The following BAHCC1 variants were observed in gnomAD, a reference collection of about 807,000 sequenced individuals.
BAHCC1 encodes BAH domain and coiled-coil containing 1.
Under a neutral mutation model 88.2 loss-of-function variants are expected in BAHCC1, and 43 were observed. The ratio of observed to expected loss-of-function variants is 0.49; its 90% confidence interval spans 0.38 to 0.63. The LOEUF (loss-of-function observed/expected upper bound fraction) is 0.63. Among genes scored for constraint, BAHCC1 ranks in the 20% least tolerant of loss-of-function variants. The pLI, the probability that BAHCC1 is intolerant of heterozygous loss-of-function variation, is 0.00. For missense variants in BAHCC1, 3,023 were observed against 1,654.8 expected, an observed-to-expected ratio of 1.83 and a Z score of -14.34; for synonymous variants, 1,510 against 745.5, an observed-to-expected ratio of 2.03 and a Z score of -16.71.
chr17:81,436,119 C>T (rs1343494817), intron 3 of BAHCC1, among the ~76,000 whole-genome samples: 1 of 152,058 alleles, frequency 6.6e-6, no homozygotes, highest in Non-Finnish European at 1.5e-5. Context: ...ATCCCATCTC[C>T]CCACTCCCTC....
At chr17:81,448,043 G>A (rs1341793319) in intron 11 of BAHCC1, among the ~76,000 whole-genome samples, 195 bp downstream of exon 11, 3 of 152,192 alleles carry the variant, frequency 2.0e-5, no homozygotes, top group East Asian at 1.9e-4. Flanking sequence ...TGCCATCTCC[G>A]AATCTCTCCG....
intron 3 of BAHCC1, among the ~76,000 whole-genome samples, chr17:81,437,209 C>G (rs2064348605): frequency 6.6e-6 from 1 of 152,248 alleles, no homozygotes; most frequent in African/African-American, 2.4e-5. Flanking sequence ...TGTGGGTTGC[C>G]TCAAACGTCT....
intron 13 of BAHCC1, 79 bp downstream of exon 13, chr17:81,452,186 A>C: frequency 1.8e-6 from 1 of 545,722 alleles, no homozygotes; most frequent in Non-Finnish European, 3.2e-6. Flanking sequence ...GCTGGGGCCG[A>C]TGTGGGAACA....
chr17:81,418,832 T>TGTGTGTGTGC (rs1555649173), intron 2 of BAHCC1, among the ~76,000 whole-genome samples: 1 of 150,902 alleles, frequency 6.6e-6, no homozygotes, highest in Non-Finnish European at 1.5e-5. Flanking sequence ...TGTGTGTGTG[T>TGTGTGTGTGC]AGCCACTCAT....
In BAHCC1 at chr17:81,434,925, G is replaced by C. The variant is rs1299498783; in HGVS notation, c.359-3445G>C. 6.6e-6 allele frequency among the ~76,000 whole-genome samples: 1 copy of C among 152,048 alleles called. No homozygotes were observed. The highest frequency in any genetic ancestry group is 1.5e-5 in the Non-Finnish European group (1 of 67,976). On this transcript the variant is annotated intron_variant, in intron 3 of 27. Coordinates refer to ENST00000675386, the MANE Select transcript of BAHCC1 (RefSeq NM_001377448.1). This position sits in a 1 kb window ranked among gnomAD's most constrained non-coding sequence, Gnocchi z 4.9. ...GGTGCCCGTCAGGCAGCCAGGGCTG[G>C]TGCACCCTGGGTGGGGGCTCCTCCT...
rs782091307 is a variant in BAHCC1, at chr17:81,461,684, G to A, written c.7021G>A (p.Asp2341Asn). 6 of 722,268 alleles carry A rather than the reference G, an allele frequency of 8.3e-6. No homozygotes were observed. Among genetic ancestry groups the A allele is most frequent in the Middle Eastern group, 2.3e-4 (1 of 4,410 alleles). The allele number at this position is 722,268 out of a possible 1,614,324, so 44.7% of individuals were successfully genotyped here. A position where few individuals can be genotyped will look rare whatever the true frequency, so the allele number is the denominator to read the frequency against. Residue 2341 changes from aspartate to asparagine, a missense_variant, in exon 26 of 28, where the codon GAC (aspartate) becomes AAC (asparagine). By Grantham distance (23) the Asp-to-Asn change is conservative. Coordinates refer to ENST00000675386, the MANE Select transcript of BAHCC1 (RefSeq NM_001377448.1). Reference sequence around the variant, plus strand: ...GTCCACCTCCAGCCTCTGCTCCTCCGACAACGAGGACTCGTCCTACAGCTC... The same window carrying A: ...GTCCACCTCCAGCCTCTGCTCCTCCAACAACGAGGACTCGTCCTACAGCTC... ...SVSTSSLCSSDNEDSSYSSDD... is the reference protein window; with the variant it reads ...SVSTSSLCSSNNEDSSYSSDD...
intron 14 of BAHCC1, among the ~76,000 whole-genome samples, chr17:81,453,996 G>A (rs1161090371): frequency 6.6e-6 from 1 of 152,222 alleles, no homozygotes; most frequent in South Asian, 2.1e-4. Flanking sequence ...AGGGACATCC[G>A]GCCACGCCAG....
chr17:81,457,993 A>G (rs1296005060), intron 17 of BAHCC1, among the ~76,000 whole-genome samples, 172 bp from the exon 18 acceptor site: 1 of 25,992 alleles, frequency 3.8e-5, no homozygotes, highest in African/African-American at 1.6e-4. Context: ...GGTAACCAGG[A>G]GGGAGGGCAG....
rs4969436 is a variant in BAHCC1 at position 81,411,019 on chromosome 17, A to G, written c.178+11102A>G. The G allele has an allele frequency of 0.26, 135,787 of 512,850 alleles. 19,844 individuals are homozygous for G. The highest frequency in any genetic ancestry group is 0.5 in the East Asian group (9,059 of 18,152). The allele number at this position is 512,850 out of a possible 1,614,324, so 31.8% of individuals were successfully genotyped here. A position where few individuals can be genotyped will look rare whatever the true frequency, so the allele number is the denominator to read the frequency against. ...CCGCACCTGGGTCTTTGTTGTCCAT[A>G]TGTCTGTGTGAAGGCCTGGGGCCCC... is the stretch of plus-strand genomic sequence containing the variant. On this transcript the variant is annotated intron_variant, in intron 2 of 27. Coordinates refer to ENST00000675386, the MANE Select transcript of BAHCC1 (RefSeq NM_001377448.1). This position sits in a 1 kb window ranked among gnomAD's most constrained non-coding sequence, Gnocchi z 6.2.
intron 10 of BAHCC1, among the ~76,000 whole-genome samples, chr17:81,446,000 T>G (rs939142928): frequency 2.0e-5 from 3 of 151,508 alleles, no homozygotes; most frequent in Non-Finnish European, 4.4e-5. Flanking sequence ...ACTGGCACCC[T>G]GGGGGCACTG....
rs943421636 is a variant in BAHCC1 at position 81,398,559 on chromosome 17, C to T, written c.-206-975C>T. Reference sequence around the variant, plus strand: ...CGGCAGGCGCTGAAGGAAGAAATCCCAGGGCCGATTTGGGCCGTTGAGAGA... The same window carrying T: ...CGGCAGGCGCTGAAGGAAGAAATCCTAGGGCCGATTTGGGCCGTTGAGAGA... On this transcript the variant is annotated intron_variant, in intron 1 of 27. Transcript: ENST00000675386. Among the ~76,000 whole-genome samples the T allele has an allele frequency of 9.2e-4, 140 of 152,362 alleles. 1 individual carries two copies. Among genetic ancestry groups the T allele is most frequent in the African/African-American group, 3.3e-3 (139 of 41,588 alleles).
chr17:81,455,015 C>T (rs1272355736), intron 14 of BAHCC1, among the ~76,000 whole-genome samples: 4 of 152,266 alleles, frequency 2.6e-5, no homozygotes, highest in African/African-American at 4.8e-5. Flanking sequence ...GGGGATGGGG[C>T]GGATTTGAGG....
chr17:81,452,718 C>A lies in BAHCC1; in HGVS notation c.4317-5C>A. ...GCCTCTGACCATCCCCCCTGCGGCC[C>A]CCAGGAGAGACGAGAGTTCACGGAG... is the stretch of plus-strand genomic sequence containing the variant. On this transcript the variant is annotated splice_polypyrimidine_tract_variant and splice_region_variant and intron_variant, in intron 13 of 27. Transcript: ENST00000675386. The A allele has an allele frequency of 1.3e-6, 1 of 750,974 alleles. No individual in the cohort carries two copies. Among genetic ancestry groups the A allele is most frequent in the Non-Finnish European group, 2.5e-6 (1 of 406,210 alleles). 46.5% of individuals were successfully genotyped at this position (750,974 alleles called of 1,614,324 possible).
intron 3 of BAHCC1, among the ~76,000 whole-genome samples, chr17:81,427,815 G>T (rs1000042484): frequency 6.6e-6 from 1 of 152,210 alleles, no homozygotes; most frequent in Non-Finnish European, 1.5e-5. Context: ...CAGCACTGCC[G>T]TAACTCAATG....
chr17:81,424,202 G>A (rs1336174429), intron 2 of BAHCC1, among the ~76,000 whole-genome samples: 4 of 152,242 alleles, frequency 2.6e-5, no homozygotes, highest in African/African-American at 9.6e-5. Context: ...CCTGGGTAGA[G>A]GGATGAAGAC....
rs2030526438 is a variant in BAHCC1 at position 81,463,999 on chromosome 17, G to A, written c.*182G>A. 2 of 606,720 alleles carry A rather than the reference G, an allele frequency of 3.3e-6. No homozygotes were observed. Among genetic ancestry groups the A allele is most frequent in the Non-Finnish European group, 5.9e-6 (2 of 339,400 alleles). The allele number at this position is 606,720 out of a possible 1,614,324, so 37.6% of individuals were successfully genotyped here. A position where few individuals can be genotyped will look rare whatever the true frequency, so the allele number is the denominator to read the frequency against. On this transcript the variant is annotated 3_prime_UTR_variant, in exon 28 of 28. Coordinates refer to ENST00000675386, the MANE Select transcript of BAHCC1 (RefSeq NM_001377448.1). ...GTTTTCCCTGGAAAGAGCGCTCCAG[G>A]TGTCGGAATCCAGTCCCGTCCCATC...
At chr17:81,454,014 C>T (rs2064697931) in intron 14 of BAHCC1, among the ~76,000 whole-genome samples, 1 of 152,246 alleles carries the variant, frequency 6.6e-6, no homozygotes, top group African/African-American at 2.4e-5. Flanking sequence ...CAGGCCAGGG[C>T]CAGGCAGGGC....
chr17:81,436,058 G>A (rs141448785), intron 3 of BAHCC1, among the ~76,000 whole-genome samples: 113 of 151,230 alleles, frequency 7.5e-4, no homozygotes, highest in Non-Finnish European at 9.3e-4. Flanking sequence ...CCACCCTGCC[G>A]ACTGGGCCTC....
intron 2 of BAHCC1, among the ~76,000 whole-genome samples, chr17:81,425,302 G>C (rs62648852): frequency 7.8e-6 from 1 of 128,532 alleles, no homozygotes; most frequent in African/African-American, 3.0e-5. Context: ...GGGGGTGATA[G>C]TGGTGGGTGA....
Sources: gnomAD v4.1 joint callset for allele counts (sites outside exome capture counted in the v4.1 genomes callset) on GRCh38, gnomAD v4.1.1 for gene constraint, Gnocchi (gnomAD v3.1) non-coding constraint, MANE v1.5 for transcripts, NCBI Gene and HGNC (gene_info 2026-07-23, HGNC 2026-07-21) for gene names.